PTPRD: variants seen among roughly 807,000 people sequenced by gnomAD.
PTPRD encodes the protein receptor-type tyrosine-protein phosphatase delta.
In PTPRD, 34 loss-of-function variants were observed where a neutral mutation model predicts 214.5. The ratio of observed to expected loss-of-function variants is 0.16; its 90% CI spans 0.12 to 0.21. The LOEUF is 0.21. Among genes scored for constraint, PTPRD ranks in the 10% least tolerant of loss-of-function variants. The pLI is 1.00. For synonymous variants in PTPRD, 1,128 were observed against 845.7 expected, an observed-to-expected ratio of 1.33 and a Z score of -5.79; for missense variants, 2,545 against 2,398.7, an observed-to-expected ratio of 1.06 and a Z score of -1.27.
At chr9:8,906,271 C>G (rs1293173138) in intron 11 of PTPRD, among the ~76,000 whole-genome samples, 6 of 152,170 alleles carry the variant, frequency 3.9e-5, no homozygotes, top group African/African-American at 9.7e-5. Context: ...GAGCTAAGCA[C>G]TGTTTTTTTA....
chr9:8,696,387 T>C (rs533262201), intron 12 of PTPRD, among the ~76,000 whole-genome samples: 2 of 152,352 alleles, frequency 1.3e-5, no homozygotes, highest in East Asian at 1.9e-4. Context: ...CTACTTGCAC[T>C]AAACTCTACA....
intron 11 of PTPRD, among the ~76,000 whole-genome samples, chr9:8,892,239 A>G (rs2098545915): frequency 1.3e-5 from 2 of 150,394 alleles, no homozygotes. Flanking sequence ...AACTCCTTGG[A>G]TTCTGGCATA....
intron 2 of PTPRD, among the ~76,000 whole-genome samples, chr9:10,393,537 T>A (rs1334186959): frequency 6.6e-6 from 1 of 151,150 alleles, no homozygotes; most frequent in Admixed American, 6.6e-5. Context: ...ATGCCTCTAA[T>A]CCCAGCACTT....
chr9:9,984,113 CA>C (rs1183965355), intron 4 of PTPRD, among the ~76,000 whole-genome samples: 1 of 151,556 alleles, frequency 6.6e-6, no homozygotes, highest in African/African-American at 2.4e-5. Context: ...ATGATTATTA[CA>C]AAAAATTTTA....
chr9:8,489,657 A>C (rs1433411304), intron 27 of PTPRD, among the ~76,000 whole-genome samples: 1 of 152,236 alleles, frequency 6.6e-6, no homozygotes, highest in East Asian at 1.9e-4. Context: ...AATGCAGTTT[A>C]AACAGGCTGG....
chr9:9,268,461 AT>A (rs533038776), intron 9 of PTPRD, among the ~76,000 whole-genome samples: 1 of 151,268 alleles, frequency 6.6e-6, no homozygotes, highest in Non-Finnish European at 1.5e-5. Context: ...GATTTAATGC[AT>A]TTTTTTAAAT....
chr9:8,657,465 G>A (rs1242998452), intron 12 of PTPRD, among the ~76,000 whole-genome samples: 3 of 152,090 alleles, frequency 2.0e-5, no homozygotes, highest in Non-Finnish European at 4.4e-5. Context: ...CACCGTGCCC[G>A]GCCTGCCCAC....
Position 9,431,466 on chromosome 9 carries a change from C to T in PTPRD, c.-236-33984G>A, listed in dbSNP as rs566154877. ...TTTACACTGTTGGTGGGAGTGTAAA[C>T]TAGTTCAACCATTGTGGAAGACAGT... On this transcript the variant is annotated intron_variant, in intron 8 of 45. Coordinates refer to ENST00000381196, the MANE Select transcript of PTPRD (RefSeq NM_002839.4). 9.2e-5 allele frequency among the ~76,000 whole-genome samples: 14 copies of T among 152,192 alleles called. No homozygotes were observed. In the East Asian group the frequency reaches 1.9e-3, roughly 21 times the overall value.
Position 10,130,286 on chromosome 9 carries a change from T to C in PTPRD, c.-544-96496A>G, listed in dbSNP as rs146027950. Among the ~76,000 whole-genome samples, 44 of 152,134 alleles carry C rather than the reference T, an allele frequency of 2.9e-4. 1 individual carries two copies. Among genetic ancestry groups the C allele is most frequent in the African/African-American group, 9.9e-4 (41 of 41,540 alleles). On this transcript the variant is annotated intron_variant, in intron 3 of 45. Transcript: ENST00000381196. ...CGTGAGCTTCCTACCTCAGTATCTATGACTGTTTTCAAAGATATTCTATGT... is the reference window on the plus strand; with the variant it reads ...CGTGAGCTTCCTACCTCAGTATCTACGACTGTTTTCAAAGATATTCTATGT...
chr9:8,424,328 C>G (rs941447417), intron 35 of PTPRD, among the ~76,000 whole-genome samples: 5 of 152,040 alleles, frequency 3.3e-5, no homozygotes, highest in Non-Finnish European at 7.4e-5. Context: ...GAACATTACC[C>G]AGACCTCAGA....
chr9:9,931,338 CCAGA>C (rs1358070323), intron 5 of PTPRD, among the ~76,000 whole-genome samples: 3 of 152,170 alleles, frequency 2.0e-5, no homozygotes, highest in Non-Finnish European at 2.9e-5. Flanking sequence ...CTAGGGAGTG[CCAGA>C]CAGTGGGCGC....
At chr9:10,103,838 G>A (rs900497242) in intron 3 of PTPRD, among the ~76,000 whole-genome samples, 1 of 151,550 alleles carries the variant, frequency 6.6e-6, no homozygotes, top group East Asian at 1.9e-4. Context: ...ATTAAAAGTG[G>A]AGTTAAAGAA....
intron 8 of PTPRD, among the ~76,000 whole-genome samples, chr9:9,439,953 AT>A (rs2086861225): frequency 6.6e-6 from 1 of 152,182 alleles, no homozygotes; most frequent in South Asian, 2.1e-4. Flanking sequence ...AACCCAGCCT[AT>A]TTATGACCAT....
chr9:8,550,231 T>C (rs2081603563), intron 14 of PTPRD, among the ~76,000 whole-genome samples: 1 of 152,284 alleles, frequency 6.6e-6, no homozygotes, highest in Admixed American at 6.5e-5. Flanking sequence ...CCAATATAAA[T>C]ATTGTCATGT....
chr9:9,420,604 C>A (rs891873578), intron 8 of PTPRD, among the ~76,000 whole-genome samples: 1 of 151,800 alleles, frequency 6.6e-6, no homozygotes, highest in Non-Finnish European at 1.5e-5. Flanking sequence ...TGTGTGTGCA[C>A]TGAATGTTTA....
At chr9:9,679,351 A>T (rs956053675) in intron 7 of PTPRD, among the ~76,000 whole-genome samples, 1 of 151,872 alleles carries the variant, frequency 6.6e-6, no homozygotes, top group Admixed American at 6.6e-5. Flanking sequence ...ATATGAGATC[A>T]GTAACATTGT....
intron 11 of PTPRD, among the ~76,000 whole-genome samples, chr9:8,958,267 G>C (rs1325291149): frequency 3.3e-5 from 5 of 151,866 alleles, no homozygotes; most frequent in Non-Finnish European, 7.4e-5. Flanking sequence ...CTCTCTGTCT[G>C]AACAAGGAAG....
At chr9:10,407,462 A>G (rs2098382502) in intron 2 of PTPRD, among the ~76,000 whole-genome samples, 1 of 151,570 alleles carries the variant, frequency 6.6e-6, no homozygotes, top group Non-Finnish European at 1.5e-5. Context: ...GAAAATATAT[A>G]TCCTACCTAC....
intron 21 of PTPRD, among the ~76,000 whole-genome samples, chr9:8,512,361 AT>A (rs1017871977): frequency 1.5e-4 from 23 of 152,204 alleles, no homozygotes; most frequent in Admixed American, 1.4e-3. Context: ...AAAAAGTTAA[AT>A]TTTATTATAG....
Sources: allele counts gnomAD v4.1 joint callset (sites outside exome capture counted in the v4.1 genomes callset), GRCh38; gene constraint gnomAD v4.1.1; transcripts MANE v1.5; gene names NCBI Gene and HGNC (gene_info 2026-07-23, HGNC 2026-07-21).